UNC13C: variants seen among roughly 807,000 people sequenced by gnomAD.
UNC13C encodes the protein protein unc-13 homolog C.
Under a neutral mutation model 245.4 loss-of-function variants are expected in UNC13C, and 174 were observed. The ratio of observed to expected loss-of-function variants is 0.71; its 90% CI spans 0.63 to 0.80. UNC13C has a LOEUF of 0.80. UNC13C is among the 30% of genes least tolerant of loss of function. The pLI is 0.00. For missense variants in UNC13C, 2,829 were observed against 2,602.9 expected (o/e 1.09, Z -1.89); for synonymous variants, 992 against 895.1 (o/e 1.11, Z -1.93).
chr15:54,297,397 A>G (rs112485659), intron 11 of UNC13C, among the ~76,000 whole-genome samples: 1 of 152,062 alleles, frequency 6.6e-6, no homozygotes, highest in Non-Finnish European at 1.5e-5. Flanking sequence ...CTGTTAGACA[A>G]GGTGAAGTGC....
chr15:54,235,835 G>A (rs189054749), intron 5 of UNC13C, among the ~76,000 whole-genome samples: 66 of 152,268 alleles, frequency 4.3e-4, no homozygotes, highest in African/African-American at 1.6e-3. Context: ...GCGTGACAGA[G>A]CGAGACTCCG....
intron 30 of UNC13C, among the ~76,000 whole-genome samples, chr15:54,568,400 G>A (rs917387848): frequency 2.0e-5 from 3 of 151,930 alleles, no homozygotes; most frequent in Non-Finnish European, 2.9e-5. Flanking sequence ...CTCATTTTAT[G>A]CTCATTTCAT....
At chr15:53,960,083 A>T in the UNC13C span, among the ~76,000 whole-genome samples, 71 of 152,234 alleles carry the variant, frequency 4.7e-4, no homozygotes, top group African/African-American at 1.6e-3. Flanking sequence ...CACTAAGGAG[A>T]TATGCTACCT....
At chr15:54,566,138 C>G (rs1351290772) in intron 29 of UNC13C, among the ~76,000 whole-genome samples, 2 of 151,954 alleles carry the variant, frequency 1.3e-5, no homozygotes, top group African/African-American at 2.4e-5. Flanking sequence ...TTGGATGGCT[C>G]CTTGATTCAT....
upstream of UNC13C, among the ~76,000 whole-genome samples, chr15:53,978,430 G>A (rs1221446438): frequency 6.6e-6 from 1 of 152,180 alleles, no homozygotes; most frequent in Admixed American, 6.5e-5. Flanking sequence ...CGCAGTGCCG[G>A]TGCTGCATTC....
At chr15:54,195,221 A>T (rs2034313752) in intron 4 of UNC13C, among the ~76,000 whole-genome samples, 1 of 152,126 alleles carries the variant, frequency 6.6e-6, no homozygotes, top group Non-Finnish European at 1.5e-5. Context: ...CTCTGGTAGC[A>T]GAGGAAAAAA....
At chr15:54,437,882 A>G (rs1326751136) in intron 19 of UNC13C, among the ~76,000 whole-genome samples, 1 of 152,002 alleles carries the variant, frequency 6.6e-6, no homozygotes, top group Non-Finnish European at 1.5e-5. Context: ...ACTTACAAGC[A>G]GCTCAAGGTT....
chr15:54,306,981 G>A (rs551190687), intron 13 of UNC13C, among the ~76,000 whole-genome samples: 3 of 152,120 alleles, frequency 2.0e-5, no homozygotes. Flanking sequence ...TATTTACTCA[G>A]TGCCTATCAT....
intron 4 of UNC13C, among the ~76,000 whole-genome samples, chr15:54,168,199 A>G (rs1238383009): frequency 1.3e-5 from 2 of 152,228 alleles, no homozygotes; most frequent in African/African-American, 4.8e-5. Flanking sequence ...GCTTTAAAAT[A>G]TACTTGACTA....
chr15:54,306,925 G>A (rs2037740019), intron 13 of UNC13C, among the ~76,000 whole-genome samples: 1 of 151,952 alleles, frequency 6.6e-6, no homozygotes, highest in African/African-American at 2.4e-5. Flanking sequence ...GAGTCTATCT[G>A]TAAAAAAGAG....
chr15:54,264,423 T>C, intron 9 of UNC13C, 28 bp downstream of exon 9: 1 of 1,511,708 alleles, frequency 6.6e-7, no homozygotes. Flanking sequence ...TAAAAATTTG[T>C]ATTGTAAATT....
At position 54,412,655 on chromosome 15, in the gene UNC13C, C is replaced by T. The variant is rs571046640; in HGVS notation, c.4848-2327C>T. Reference sequence around the variant, plus strand: ...TATTCTGTGACCTTATATTTTGTAGCTTCTTAAATTAGTTTTTTAGACATT... The same window carrying T: ...TATTCTGTGACCTTATATTTTGTAGTTTCTTAAATTAGTTTTTTAGACATT... On this transcript the variant is annotated intron_variant, in intron 18 of 32. Coordinates refer to ENST00000260323, the MANE Select transcript of UNC13C (RefSeq NM_001080534.3). 1.1e-3 allele frequency among the ~76,000 whole-genome samples: 174 copies of T among 152,248 alleles called. 1 individual carries two copies. Among genetic ancestry groups the T allele is most frequent in the African/African-American group, 4.0e-3 (165 of 41,548 alleles).
At chr15:54,122,112 T>C (rs1396803776) in intron 2 of UNC13C, among the ~76,000 whole-genome samples, 1 of 151,918 alleles carries the variant, frequency 6.6e-6, no homozygotes, top group Non-Finnish European at 1.5e-5. Flanking sequence ...TATGATTTTG[T>C]TGCAATCTTG....
At chr15:54,544,963 G>T (rs1253528621) in intron 26 of UNC13C, among the ~76,000 whole-genome samples, 1 of 151,994 alleles carries the variant, frequency 6.6e-6, no homozygotes, top group African/African-American at 2.4e-5. Context: ...CTTTCATATG[G>T]AATCAAAAAA....
intron 2 of UNC13C, among the ~76,000 whole-genome samples, chr15:54,023,706 A>G (rs1433112421): frequency 6.6e-6 from 1 of 152,200 alleles, no homozygotes; most frequent in Non-Finnish European, 1.5e-5. Context: ...ATGGCTCCCA[A>G]ACTATAAGAC....
chr15:53,917,563 G>C, the UNC13C span, among the ~76,000 whole-genome samples: 3 of 152,120 alleles, frequency 2.0e-5, no homozygotes, highest in Non-Finnish European at 4.4e-5. Flanking sequence ...AAACTCTCCT[G>C]GTGAAAATTT....
At chr15:54,003,479 C>G (rs962753850) in intron 1 of UNC13C, among the ~76,000 whole-genome samples, 1 of 152,032 alleles carries the variant, frequency 6.6e-6, no homozygotes, top group Admixed American at 6.5e-5. Flanking sequence ...TCTGGAATAC[C>G]CTCTTACCTG....
chr15:54,487,114 A>G (rs10518767), intron 19 of UNC13C, among the ~76,000 whole-genome samples: 46,492 of 152,018 alleles, frequency 0.31, 7,601 homozygotes, highest in East Asian at 0.52. Flanking sequence ...TCTAGGCCAG[A>G]ATTCTACGTA....
At position 54,021,720 on chromosome 15, in the gene UNC13C, C is replaced by G. The variant is rs74884557; in HGVS notation, c.2983+5834C>G. Among the ~76,000 whole-genome samples the G allele has an allele frequency of 5.9e-3, 900 of 152,258 alleles. 12 individuals carry two copies. Among genetic ancestry groups the G allele is most frequent in the African/African-American group, 0.021 (855 of 41,538 alleles). ...TATGCAGCCCTGAGATGCGTAATGA[C>G]ACTTCAGTTGATGATGGACTGCATA... On this transcript the variant is annotated intron_variant, in intron 2 of 32. Coordinates refer to ENST00000260323, the MANE Select transcript of UNC13C (RefSeq NM_001080534.3).
Sources: gnomAD v4.1 joint callset for allele counts (sites outside exome capture counted in the v4.1 genomes callset) on GRCh38, gnomAD v4.1.1 for gene constraint, MANE v1.5 for transcripts, NCBI Gene and HGNC (gene_info 2026-07-23, HGNC 2026-07-21) for gene names.